Variants in P3H2 observed in about 807,000 individuals in gnomAD.
P3H2 encodes the protein prolyl 3-hydroxylase 2, also known as leprecan-like 1.
P3H2 carries 80 observed loss-of-function variants against 87.0 expected under a neutral mutation model. The ratio of observed to expected loss-of-function variants is 0.92; its 90% CI spans 0.77 to 1.11. The LOEUF is 1.11. Among genes scored for constraint, P3H2 ranks in the 50% least tolerant of loss-of-function variants. The pLI is 0.00. For synonymous variants in P3H2, 367 were observed against 359.3 expected (o/e 1.02, Z -0.24); for missense variants, 1,001 against 923.9 (o/e 1.08, Z -1.08).
At chr3:190,013,067 C>T (rs78870460) in intron 1 of P3H2, among the ~76,000 whole-genome samples, 5,975 of 152,272 alleles carry the variant, frequency 0.039, 337 homozygotes, top group African/African-American at 0.13. Flanking sequence ...CAAACACTGA[C>T]TGAGAGCCCT....
intron 13 of P3H2, chr3:189,969,780 C>G: frequency 6.2e-7 from 1 of 1,607,358 alleles, no homozygotes; most frequent in Non-Finnish European, 8.5e-7. Flanking sequence ...TCAGTTCTTC[C>G]TTCTAAAATT....
intron 3 of P3H2, 62 bp downstream of exon 3, chr3:189,994,032 A>G: frequency 1.5e-6 from 2 of 1,292,248 alleles, no homozygotes; most frequent in Non-Finnish European, 1.1e-6. Flanking sequence ...ATAGTTTTTT[A>G]CAAATTGCAA....
chr3:190,087,711 G>A (rs1205293896), intron 1 of P3H2, among the ~76,000 whole-genome samples: 1 of 152,174 alleles, frequency 6.6e-6, no homozygotes, highest in East Asian at 1.9e-4. Flanking sequence ...AATTTTTGTG[G>A]GTTTTTGTTA....
chr3:189,994,305 A>AAAAAAAC, intron 2 of P3H2, 22 bp from the exon 3 acceptor site: 1 of 1,230,390 alleles, frequency 8.1e-7, no homozygotes, highest in African/African-American at 1.4e-5. Context: ...CAGACGGGAA[A>AAAAAAAC]AAACAAACAA....
chr3:190,088,891 G>C (rs1727315117), intron 1 of P3H2, among the ~76,000 whole-genome samples: 1 of 152,082 alleles, frequency 6.6e-6, no homozygotes, highest in Non-Finnish European at 1.5e-5. Flanking sequence ...TTGGAATATA[G>C]CGTGTTCGAC....
chr3:190,089,220 G>A (rs1577318027), intron 1 of P3H2, among the ~76,000 whole-genome samples: 1 of 152,282 alleles, frequency 6.6e-6, no homozygotes, highest in East Asian at 1.9e-4. Context: ...GGCCTGTCGT[G>A]GGGCGGGGGA....
intron 6 of P3H2, among the ~76,000 whole-genome samples, chr3:189,986,005 T>A (rs1723683935): frequency 6.6e-6 from 1 of 152,330 alleles, no homozygotes; most frequent in African/African-American, 2.4e-5. Flanking sequence ...AAAAGCTATG[T>A]CTTCATATAA....
chr3:189,983,061 G>C lies in P3H2; in HGVS notation c.1309C>G (p.Arg437Gly), dbSNP rs773586841. The change falls in exon 8 of 15, where the codon CGA becomes GGA. Residue 437 changes from arginine to glycine, a missense_variant. Arg to Gly is a moderately radical substitution (Grantham distance 125). Transcript: ENST00000319332. ...AGCTACTTACCTTCTCTTAGGTCTC[G>C]ATCTATCTTGGGTGATAGCTTTTTT... ...MGKKLSPKID[R>G]DLREGGPLLY... The C allele has an allele frequency of 1.9e-6, 3 of 1,613,146 alleles. No individual in the cohort carries two copies. Among genetic ancestry groups the C allele is most frequent in the Non-Finnish European group, 2.5e-6 (3 of 1,179,380 alleles).
chr3:190,038,486 GAAAAAAAAAAAAAAA>G (rs57971408), intron 1 of P3H2, among the ~76,000 whole-genome samples: 1 of 92,622 alleles, frequency 1.1e-5, no homozygotes, highest in Non-Finnish European at 2.2e-5. Context: ...ACTGCAGAAT[GAAAAAAAAAAAAAAA>G]AAAAAAAAAG....
intron 1 of P3H2, among the ~76,000 whole-genome samples, chr3:190,085,790 C>T (rs932928247): frequency 9.2e-5 from 14 of 152,078 alleles, no homozygotes; most frequent in Non-Finnish European, 1.5e-4. Flanking sequence ...AAAATCATGG[C>T]ATTATTTTAC....
intron 1 of P3H2, among the ~76,000 whole-genome samples, chr3:190,023,700 T>G (rs796854569): frequency 4.2e-4 from 64 of 152,174 alleles, no homozygotes; most frequent in African/African-American, 1.5e-3. Flanking sequence ...TCAATGAGAG[T>G]CTATTTATCT....
chr3:190,024,444 G>A (rs1461895212), intron 1 of P3H2, among the ~76,000 whole-genome samples: 1 of 144,304 alleles, frequency 6.9e-6, no homozygotes, highest in East Asian at 2.1e-4. Context: ...TCATGTGGCT[G>A]AGACAGGAGA....
At chr3:190,039,528 C>T (rs1725535302) in intron 1 of P3H2, among the ~76,000 whole-genome samples, 1 of 152,244 alleles carries the variant, frequency 6.6e-6, no homozygotes, top group East Asian at 1.9e-4. Context: ...ATTGCAAAAC[C>T]GTTGAACCTT....
chr3:189,967,742 A>G (rs1332147662), intron 13 of P3H2, among the ~76,000 whole-genome samples: 1 of 152,116 alleles, frequency 6.6e-6, no homozygotes. Flanking sequence ...ACTTTTTAAC[A>G]TATATTATTG....
chr3:189,969,721 C>G, intron 13 of P3H2: 1 of 1,494,442 alleles, frequency 6.7e-7, no homozygotes, highest in Non-Finnish European at 9.3e-7. Flanking sequence ...TTATCTTCCC[C>G]AAAATTAAGA....
At chr3:190,015,889 G>A (rs1179519918) in intron 1 of P3H2, among the ~76,000 whole-genome samples, 1 of 152,142 alleles carries the variant, frequency 6.6e-6, no homozygotes, top group Admixed American at 6.6e-5. Flanking sequence ...TAAGCAGTTA[G>A]GGGACATTTG....
chr3:189,995,555 G>GT (rs1560354198), intron 1 of P3H2, 113 bp from the exon 2 acceptor site: 45 of 705,490 alleles, frequency 6.4e-5, no homozygotes, highest in South Asian at 2.4e-4. Flanking sequence ...TAGGAGCCTT[G>GT]GTTTTTTTTT....
At chr3:189,994,016 GCT>G in intron 3 of P3H2, 76 bp downstream of exon 3, 2 of 1,055,688 alleles carry the variant, frequency 1.9e-6, no homozygotes, top group Non-Finnish European at 2.9e-6. Context: ...CTTCTATTTT[GCT>G]GGAATAGTTT....
At chr3:190,112,902 A>C (rs1712128194) in intron 1 of P3H2, among the ~76,000 whole-genome samples, 1 of 152,220 alleles carries the variant, frequency 6.6e-6, no homozygotes, top group Non-Finnish European at 1.5e-5. Flanking sequence ...AAAAAGACAG[A>C]AAAAGAATTA....
Sources: allele counts gnomAD v4.1 joint callset (sites outside exome capture counted in the v4.1 genomes callset), GRCh38; gene constraint gnomAD v4.1.1; transcripts MANE v1.5; gene names NCBI Gene and HGNC (gene_info 2026-07-23, HGNC 2026-07-21).